The following TENM1 variants were observed in gnomAD, a reference collection of about 807,000 sequenced individuals.
TENM1 encodes teneurin-1.
TENM1 carries 35 observed loss-of-function variants against 174.8 expected under a neutral mutation model. That is an observed-to-expected ratio of 0.20 (90% confidence interval 0.15 to 0.27). The LOEUF (loss-of-function observed/expected upper bound fraction) is 0.27, where lower values mean the gene tolerates loss of function less well. Among genes scored for constraint, TENM1 ranks in the 10% least tolerant of loss-of-function variants. The pLI, the probability that TENM1 is intolerant of heterozygous loss-of-function variation, is 1.00. For synonymous variants in TENM1, 781 were observed against 798.7 expected (o/e 0.98, Z 0.37); for missense variants, 1,633 against 2,130.1 (o/e 0.77, Z 4.59).
At chrX:125,137,169 T>C in the TENM1 span, among the ~76,000 whole-genome samples, 25 of 111,042 alleles carry the variant, frequency 2.3e-4, no homozygotes, top group African/African-American at 6.5e-4. Context: ...AGATAACGTA[T>C]ATAAAGTGCC....
At position 124,860,566 on chromosome X, in the gene TENM1, G is replaced by C. The variant is rs183217775; in HGVS notation, c.535+33730C>G. 2.0e-4 allele frequency among the ~76,000 whole-genome samples: 22 copies of C among 111,656 alleles called. 1 individual carries two copies. Among genetic ancestry groups the C allele is most frequent in the Admixed American group, 1.9e-3 (20 of 10,520 alleles). On this transcript the variant is annotated intron_variant, in intron 3 of 31. Transcript: ENST00000422452. ...TAAGGACTAAAAGGATAATTTGTCA[G>C]TATTTTCCAGTTTACTACCAATGCA... is the stretch of plus-strand genomic sequence containing the variant.
chrX:124,638,579 T>C lies in TENM1; in HGVS notation c.2077+3212A>G, dbSNP rs1391913035. 2.7e-5 allele frequency among the ~76,000 whole-genome samples: 3 copies of C among 111,391 alleles called. No individual in the cohort carries two copies. In the Admixed American group the frequency reaches 2.9e-4, roughly 11 times the overall value. On this transcript the variant is annotated intron_variant, in intron 11 of 31. Transcript: ENST00000422452. ...TAAAGACATTAATGTTGGTGTTCTC[T>C]AGGGTTCTGATTTTCTTCATTCTCA...
intron 1 of TENM1, among the ~76,000 whole-genome samples, chrX:124,938,096 C>A (rs2147741697): frequency 8.9e-6 from 1 of 111,891 alleles, no homozygotes; most frequent in East Asian, 2.8e-4. Flanking sequence ...TAAACCCCAA[C>A]AACCCAGTCT....
At chrX:124,497,508 T>C (rs1279422827) in intron 19 of TENM1, among the ~76,000 whole-genome samples, 1 of 110,953 alleles carries the variant, frequency 9.0e-6, no homozygotes, top group South Asian at 3.8e-4. Context: ...CAACCAGTCC[T>C]TGTAATGTTG....
At chrX:124,499,661 A>T (rs1010527598) in intron 19 of TENM1, among the ~76,000 whole-genome samples, 1 of 112,126 alleles carries the variant, frequency 8.9e-6, no homozygotes, top group Non-Finnish European at 1.9e-5. Context: ...CTCAAAAAAC[A>T]TTTAATTGCA....
chrX:124,759,315 A>G (rs1199282398), intron 3 of TENM1, among the ~76,000 whole-genome samples: 3 of 111,002 alleles, frequency 2.7e-5, no homozygotes, highest in Non-Finnish European at 5.7e-5. Context: ...AGATAGAAAT[A>G]GTTTTTTAAA....
chrX:124,586,634 G>A (rs2049523371), intron 11 of TENM1, among the ~76,000 whole-genome samples: 1 of 108,436 alleles, frequency 9.2e-6, no homozygotes, highest in Non-Finnish European at 1.9e-5. Flanking sequence ...GCACAAGAGA[G>A]GGATGCCCTC....
chrX:124,844,783 T>G (rs1265811906), intron 3 of TENM1, among the ~76,000 whole-genome samples: 1 of 111,834 alleles, frequency 8.9e-6, no homozygotes, highest in Non-Finnish European at 1.9e-5. Context: ...GGACGTACCT[T>G]CAGTTAAGTT....
chrX:124,487,160 C>T, intron 21 of TENM1, 49 bp downstream of exon 24: 1 of 1,131,502 alleles, frequency 8.8e-7, no homozygotes, highest in African/African-American at 1.8e-5. Flanking sequence ...AGGAGGTAGT[C>T]TCATAGGCAA....
At chrX:124,463,120 CTTTG>C (rs1435060121) in intron 22 of TENM1, among the ~76,000 whole-genome samples, 2 of 112,052 alleles carry the variant, frequency 1.8e-5, no homozygotes, top group Middle Eastern at 4.6e-3. Flanking sequence ...GTCAATATAA[CTTTG>C]TTTGCGATCT....
chrX:125,038,671 A>G, the TENM1 span, among the ~76,000 whole-genome samples: 6 of 111,390 alleles, frequency 5.4e-5, no homozygotes, highest in African/African-American at 2.0e-4. Context: ...CAATTTTCAA[A>G]TTAAAATTGT....
the TENM1 span, among the ~76,000 whole-genome samples, chrX:125,141,904 C>T: frequency 1.8e-5 from 2 of 111,256 alleles, no homozygotes; most frequent in Non-Finnish European, 3.8e-5. Context: ...AGAACCCAGA[C>T]CCTCCACTTC....
At chrX:125,007,174 G>A in the TENM1 span, among the ~76,000 whole-genome samples, 21 of 111,266 alleles carry the variant, frequency 1.9e-4, no homozygotes, top group Non-Finnish European at 4.0e-4. Flanking sequence ...AGTTTAGAGA[G>A]GAATATAAAT....
At chrX:124,461,991 T>C (rs374646896) in intron 22 of TENM1, among the ~76,000 whole-genome samples, 2 of 111,432 alleles carry the variant, frequency 1.8e-5, no homozygotes. Context: ...CTCCCAAATA[T>C]ATATATCTAT....
At chrX:124,456,899 C>A in intron 22 of TENM1, among the ~76,000 whole-genome samples, 1 of 112,136 alleles carries the variant, frequency 8.9e-6, no homozygotes, top group Middle Eastern at 4.2e-3. Flanking sequence ...ACAGCATTTT[C>A]ATTAGCACTT....
chrX:124,628,351 A>G (rs921441012), intron 11 of TENM1, among the ~76,000 whole-genome samples: 2 of 111,625 alleles, frequency 1.8e-5, no homozygotes, highest in African/African-American at 6.5e-5. Flanking sequence ...CCCAAGAGAA[A>G]TATAATGTGA....
chrX:124,382,522 T>C (rs2060170679), intron 31 of TENM1, 148 bp downstream of exon 34: 3 of 530,900 alleles, frequency 5.7e-6, no homozygotes, highest in Non-Finnish European at 8.6e-6. Context: ...TGGAGCTTTT[T>C]TTATACCTTC....
intron 23 of TENM1, among the ~76,000 whole-genome samples, chrX:124,450,292 G>A (rs187475260): frequency 0.027 from 2,944 of 108,051 alleles, 49 homozygotes; most frequent in Middle Eastern, 0.043. Flanking sequence ...CCCGGGAGGC[G>A]GAGCTTGCAG....
chrX:125,197,437 G>C, the TENM1 span, among the ~76,000 whole-genome samples: 1 of 111,823 alleles, frequency 8.9e-6, no homozygotes, highest in East Asian at 2.8e-4. Context: ...GTAAACAGTG[G>C]AAGCTGGAAC....
Sources: gnomAD v4.1 joint callset for allele counts (sites outside exome capture counted in the v4.1 genomes callset) on GRCh38, gnomAD v4.1.1 for gene constraint, MANE v1.5 for transcripts, NCBI Gene and HGNC (gene_info 2026-07-23, HGNC 2026-07-21) for gene names.